CSMD1: variants seen among roughly 807,000 people sequenced by gnomAD.
The protein encoded by CSMD1 is CUB and sushi domain-containing protein 1.
Under a neutral mutation model 417.5 loss-of-function variants are expected in CSMD1, and 213 were observed. The observed-to-expected ratio is 0.51, with a 90% CI of 0.46 to 0.57. CSMD1 has a LOEUF of 0.57. Ranked by LOEUF, CSMD1 falls within the 20% of genes least tolerant of loss-of-function variation. The pLI, the probability that CSMD1 is intolerant of heterozygous loss-of-function variation, is 0.00. For synonymous variants in CSMD1, 2,862 were observed against 1,736.8 expected, an observed-to-expected ratio of 1.65 and a Z score of -16.11; for missense variants, 6,923 against 4,529.7, an observed-to-expected ratio of 1.53 and a Z score of -15.17.
At position 3,051,163 on chromosome 8, in the gene CSMD1, C is replaced by T. The variant is rs192371219; in HGVS notation, c.7660+1299G>A. On this transcript the variant is annotated intron_variant, in intron 50 of 69. Transcript: ENST00000635120. ...ACATGCACATGTATGTTCACTGCAG[C>T]GCTATTCACAATAGCAAAGATATGG... 1.5e-3 allele frequency among the ~76,000 whole-genome samples: 229 copies of T among 152,286 alleles called. 1 individual carries two copies. The highest frequency in any genetic ancestry group is 5.0e-3 in the African/African-American group (208 of 41,554).
chr8:3,415,826 C>A lies in CSMD1; in HGVS notation c.1562-6221G>T, dbSNP rs145644055. On this transcript the variant is annotated intron_variant, in intron 12 of 69. Coordinates refer to ENST00000635120, the MANE Select transcript of CSMD1 (RefSeq NM_033225.6). ...AAGTAATAAATGGAAGACAAAACTTCTTTATTGGTAAAATGGATCTATGTT... is the reference window on the plus strand; with the variant it reads ...AAGTAATAAATGGAAGACAAAACTTATTTATTGGTAAAATGGATCTATGTT... Among the ~76,000 whole-genome samples the A allele has an allele frequency of 1.8e-4, 28 of 152,232 alleles. No individual in the cohort carries two copies. In the East Asian group the frequency reaches 5.4e-3, roughly 29 times the overall value.
At chr8:4,362,558 G>C (rs975682843) in intron 3 of CSMD1, among the ~76,000 whole-genome samples, 2 of 152,162 alleles carry the variant, frequency 1.3e-5, no homozygotes, top group African/African-American at 4.8e-5. Flanking sequence ...GTGGGAAGTG[G>C]ATAATATAGC....
intron 1 of CSMD1, among the ~76,000 whole-genome samples, chr8:4,811,800 G>A (rs1342805458): frequency 6.6e-6 from 1 of 151,946 alleles, no homozygotes; most frequent in African/African-American, 2.4e-5. Context: ...AAAATACCAA[G>A]TTTTGCATAG....
intron 50 of CSMD1, among the ~76,000 whole-genome samples, chr8:3,051,886 G>A (rs1481982672): frequency 1.3e-5 from 2 of 152,126 alleles, no homozygotes; most frequent in East Asian, 3.9e-4. Flanking sequence ...TAGAGTTTCA[G>A]AAAGTACTCC....
At chr8:3,294,855 C>G (rs942950540) in intron 25 of CSMD1, among the ~76,000 whole-genome samples, 2 of 152,112 alleles carry the variant, frequency 1.3e-5, no homozygotes, top group Non-Finnish European at 2.9e-5. Flanking sequence ...CGACACTCCC[C>G]AGTGAGATGT....
At chr8:3,560,664 T>C (rs568685804) in intron 10 of CSMD1, among the ~76,000 whole-genome samples, 3 of 152,298 alleles carry the variant, frequency 2.0e-5, no homozygotes, top group Admixed American at 2.0e-4. Flanking sequence ...CTATTGTCTT[T>C]TACTGTCTTC....
chr8:3,908,245 G>A (rs1038161253), intron 5 of CSMD1, among the ~76,000 whole-genome samples: 1 of 99,302 alleles, frequency 1.0e-5, no homozygotes, highest in African/African-American at 3.0e-5. Flanking sequence ...AATTTTAGGA[G>A]ATATGAGAAA....
chr8:4,920,581 G>C (rs566834985), intron 1 of CSMD1, among the ~76,000 whole-genome samples: 4 of 152,190 alleles, frequency 2.6e-5, no homozygotes, highest in Admixed American at 1.3e-4. Context: ...CAGCACTTTG[G>C]GAGGCTGAGG....
In CSMD1 at chr8:4,290,290, T is replaced by C. The variant is rs188724676; in HGVS notation, c.415+129663A>G. ...AGAAGAAAAGCATGGTTTTCACATA[T>C]GTCTACAGATGTGAAATTTCAGATG... On this transcript the variant is annotated intron_variant, in intron 3 of 69. Transcript: ENST00000635120. Among the ~76,000 whole-genome samples, 8 of 152,328 alleles carry C rather than the reference T, an allele frequency of 5.3e-5. No individual in the cohort carries two copies. The East Asian group carries it at 1.5e-3, about 29-fold the overall frequency.
At chr8:4,977,253 C>G (rs555724447) in intron 1 of CSMD1, among the ~76,000 whole-genome samples, 154 of 152,274 alleles carry the variant, frequency 1.0e-3, no homozygotes, top group African/African-American at 3.5e-3. Context: ...GAGCAAAACT[C>G]TTTCTGCAAA....
chr8:3,948,944 G>C (rs1811423244), intron 5 of CSMD1, among the ~76,000 whole-genome samples: 1 of 151,970 alleles, frequency 6.6e-6, no homozygotes, highest in African/African-American at 2.4e-5. Context: ...GAATAACTGA[G>C]GATGGGCTAC....
At chr8:4,389,460 T>A (rs959047800) in intron 3 of CSMD1, among the ~76,000 whole-genome samples, 1 of 152,046 alleles carries the variant, frequency 6.6e-6, no homozygotes, top group Non-Finnish European at 1.5e-5. Context: ...ACAAACATAA[T>A]TTGGTTAGTG....
intron 1 of CSMD1, among the ~76,000 whole-genome samples, chr8:4,745,014 A>G (rs796406763): frequency 4.1e-4 from 62 of 152,324 alleles, no homozygotes; most frequent in African/African-American, 1.4e-3. Flanking sequence ...CTATCATAAT[A>G]AACTTGTGTT....
At chr8:4,056,693 A>C in intron 3 of CSMD1, among the ~76,000 whole-genome samples, 3 of 145,758 alleles carry the variant, frequency 2.1e-5, no homozygotes, top group African/African-American at 2.6e-5. Flanking sequence ...CACTCCCCCC[A>C]CCCCACAACA....
intron 3 of CSMD1, among the ~76,000 whole-genome samples, chr8:4,124,315 C>A (rs1284258385): frequency 6.6e-6 from 1 of 152,102 alleles, no homozygotes. Flanking sequence ...CCACAGGATC[C>A]TCTATCAAGC....
At chr8:3,885,977 G>C (rs1032269097) in intron 5 of CSMD1, among the ~76,000 whole-genome samples, 1 of 151,754 alleles carries the variant, frequency 6.6e-6, no homozygotes, top group African/African-American at 2.4e-5. Flanking sequence ...AAGCAATATT[G>C]ATTCAAATTA....
intron 1 of CSMD1, among the ~76,000 whole-genome samples, chr8:4,933,482 G>A (rs531679426): frequency 3.4e-4 from 52 of 152,304 alleles, no homozygotes; most frequent in African/African-American, 1.1e-3. Flanking sequence ...AACTGTCAGT[G>A]CAGAAGGTAA....
intron 3 of CSMD1, among the ~76,000 whole-genome samples, chr8:4,192,832 T>C (rs1331929416): frequency 1.3e-5 from 2 of 152,230 alleles, no homozygotes; most frequent in Admixed American, 6.5e-5. Context: ...GTAAACGCTA[T>C]TAAGCCCAAG....
At chr8:4,054,644 T>C (rs977886669) in intron 3 of CSMD1, among the ~76,000 whole-genome samples, 1 of 152,108 alleles carries the variant, frequency 6.6e-6, no homozygotes, top group African/African-American at 2.4e-5. Context: ...ACATAGGTAA[T>C]GAACAGGTCC....
Sources: gnomAD v4.1 joint callset for allele counts (sites outside exome capture counted in the v4.1 genomes callset) on GRCh38, gnomAD v4.1.1 for gene constraint, MANE v1.5 for transcripts, NCBI Gene and HGNC (gene_info 2026-07-23, HGNC 2026-07-21) for gene names.